MASP1: variants seen among roughly 807,000 people sequenced by gnomAD.
MASP1 encodes mannan-binding lectin serine protease 1.
In MASP1, 59 loss-of-function variants were observed where a neutral mutation model predicts 77.1. That is an observed-to-expected ratio of 0.77 (90% CI 0.62 to 0.95). The LOEUF is 0.95. MASP1 is among the 40% of genes least tolerant of loss of function. The pLI is 0.00. For missense variants in MASP1, 885 were observed against 912.9 expected (o/e 0.97, Z 0.39); for synonymous variants, 362 against 354.5 (o/e 1.02, Z -0.24).
chr3:187,255,646 G>C (rs1165453049), intron 5 of MASP1, among the ~76,000 whole-genome samples: 1 of 152,222 alleles, frequency 6.6e-6, no homozygotes, highest in Non-Finnish European at 1.5e-5. Context: ...CTTAGCCTCT[G>C]TACACAAGTA....
intron 8 of MASP1, among the ~76,000 whole-genome samples, chr3:187,245,645 C>A (rs1213829380): frequency 2.0e-5 from 3 of 152,154 alleles, no homozygotes; most frequent in Non-Finnish European, 4.4e-5. Flanking sequence ...TCACAAGAGG[C>A]CTTGAGCAGC....
At chr3:187,284,077 A>G (rs1717642584) in intron 2 of MASP1, among the ~76,000 whole-genome samples, 1 of 152,210 alleles carries the variant, frequency 6.6e-6, no homozygotes, top group Admixed American at 6.5e-5. Context: ...ATTTGTAGAA[A>G]TCGCATCTAG....
At position 187,223,195 on chromosome 3, in the gene MASP1, C is replaced by G; in HGVS notation, c.1742-1G>C. The stretch of plus-strand genomic sequence containing the variant: ...CAGCCGCTGACGATGACCATGGCTC[C>G]TGGAGGAGAGAAGATACTGTGAGAA... On this transcript the variant is annotated splice_acceptor_variant, in intron 13 of 15. Coordinates refer to the MASP1 transcript ENST00000337774. LOFTEE classifies it high-confidence loss of function. 6.2e-7 allele frequency: 1 copy of G among 1,613,890 alleles called. No individual in the cohort carries two copies. The highest frequency in any genetic ancestry group is 1.1e-5 in the South Asian group (1 of 91,086).
In MASP1 at chr3:187,236,551, G is replaced by T. The variant is rs1301090472; in HGVS notation, c.1320C>A (p.Ser440=). The T allele has an allele frequency of 1.2e-6, 2 of 1,613,934 alleles. No individual in the cohort carries two copies. Among genetic ancestry groups the T allele is most frequent in the Admixed American group, 3.3e-5 (2 of 60,026 alleles). The change falls in exon 11 of 11, where the codon TCC becomes TCA. Residue 440 remains serine (S), a synonymous_variant. Coordinates refer to ENST00000296280, the MANE Select transcript of MASP1 (RefSeq NM_139125.4). ...TCTTGACCAGGCTTGGCAGGGAGCG[G>T]GAGGGCTGACCACACTCTGTAAGGA... ...PTCLPECGQP[S]RSLPSLVKRI... is the part of the protein sequence containing the mutation.
chr3:187,224,159 C>A (rs921639237), intron 13 of MASP1, among the ~76,000 whole-genome samples: 1 of 152,136 alleles, frequency 6.6e-6, no homozygotes, highest in Non-Finnish European at 1.5e-5. Context: ...GAAAAGGAAG[C>A]CAGCTGACAT....
chr3:187,252,794 A>G (rs1560255281), intron 6 of MASP1, among the ~76,000 whole-genome samples: 1 of 152,184 alleles, frequency 6.6e-6, no homozygotes, highest in African/African-American at 2.4e-5. Context: ...CTAGAAACCC[A>G]CATCCAAATT....
At chr3:187,246,451 C>T (rs1714086811) in intron 8 of MASP1, 1 of 985,326 alleles carries the variant, frequency 1.0e-6, no homozygotes. Flanking sequence ...AATGGCACCT[C>T]AGTCTCCAGA....
intron 2 of MASP1, among the ~76,000 whole-genome samples, chr3:187,276,100 T>C (rs1716943050): frequency 2.1e-4 from 1 of 4,852 alleles, no homozygotes; most frequent in Non-Finnish European, 5.6e-3. Flanking sequence ...CTGGTTAAAG[T>C]GCCCCCCAGG....
intron 2 of MASP1, among the ~76,000 whole-genome samples, chr3:187,277,165 C>T (rs1162186451): frequency 2.0e-5 from 3 of 152,164 alleles, no homozygotes; most frequent in Non-Finnish European, 2.9e-5. Context: ...TGAATGAAGA[C>T]GTGACTTGCC....
At chr3:187,258,884 G>A (rs908093635) in intron 4 of MASP1, among the ~76,000 whole-genome samples, 3 of 152,182 alleles carry the variant, frequency 2.0e-5, no homozygotes, top group African/African-American at 7.2e-5. Context: ...GAGTTGCTCT[G>A]AACATATTCT....
intron 2 of MASP1, among the ~76,000 whole-genome samples, chr3:187,265,992 C>G (rs529405738): frequency 6.6e-6 from 1 of 152,128 alleles, no homozygotes; most frequent in Non-Finnish European, 1.5e-5. Flanking sequence ...GATCATTTAC[C>G]TCTGAGTATA....
At chr3:187,226,317 G>T in intron 12 of MASP1, 1 of 942,904 alleles carries the variant, frequency 1.1e-6, no homozygotes, top group Non-Finnish European at 1.7e-6. Context: ...GTGAGCGAGT[G>T]AGTGAGCAGA....
intron 2 of MASP1, among the ~76,000 whole-genome samples, chr3:187,265,013 T>C (rs1715899517): frequency 6.6e-6 from 1 of 152,148 alleles, no homozygotes; most frequent in South Asian, 2.1e-4. Flanking sequence ...GTTATCCACT[T>C]GTAAAAACAG....
Position 187,220,367 on chromosome 3 carries a change from T to C in MASP1, c.1910-106A>G, listed in dbSNP as rs145292661. 2.0e-4 allele frequency: 202 copies of C among 1,006,134 alleles called. 2 individuals carry two copies. The African/African-American group carries it at 2.1e-3, about 10-fold the overall frequency. The allele number at this position is 1,006,134 out of a possible 1,614,324, so 62.3% of individuals were successfully genotyped here. Reference sequence around the variant, plus strand: ...TCAGAGAATTGGGCACTAGAGGGCATAGCAGACCGTTGGACCCAAACCTCA... The same window carrying C: ...TCAGAGAATTGGGCACTAGAGGGCACAGCAGACCGTTGGACCCAAACCTCA... On this transcript the variant is annotated intron_variant, in intron 15 of 15. Coordinates refer to the MASP1 transcript ENST00000337774.
chr3:187,238,355 T>C (rs761403631), intron 10 of MASP1, among the ~76,000 whole-genome samples: 24 of 152,234 alleles, frequency 1.6e-4, no homozygotes, highest in Non-Finnish European at 3.4e-4. Context: ...AACCTATTTA[T>C]CCTGAGTCTA....
chr3:187,226,562 G>T lies in MASP1; in HGVS notation c.1442-42C>A, dbSNP rs771161660. 10 of 1,384,632 alleles carry T rather than the reference G, an allele frequency of 7.2e-6. No homozygotes were observed. The Admixed American group carries it at 1.5e-4, about 21-fold the overall frequency. 85.8% of individuals were successfully genotyped at this position (1,384,632 alleles called of 1,614,324 possible). The stretch of plus-strand genomic sequence containing the variant: ...ACGTCTCATCGTCCTGCACTACTGG[G>T]TCTTGCCTCCCTCTGTCTTGAGCTG... On this transcript the variant is annotated intron_variant, in intron 11 of 15. Coordinates refer to the MASP1 transcript ENST00000337774.
At chr3:187,264,807 A>G (rs568582075) in intron 2 of MASP1, among the ~76,000 whole-genome samples, 1 of 152,362 alleles carries the variant, frequency 6.6e-6, no homozygotes, top group Admixed American at 6.5e-5. Flanking sequence ...TTAATAAAAA[A>G]AAGCTAAATA....
chr3:187,226,303 ATGAGTGAGCGAG>A, intron 12 of MASP1: 1 of 854,260 alleles, frequency 1.2e-6, no homozygotes, highest in Non-Finnish European at 2.0e-6. Flanking sequence ...GCCCTGACAA[ATGAGTGAGCGAG>A]TGAGTGAGCA....
In MASP1 at chr3:187,241,608, C is replaced by T. The variant is rs1389271648; in HGVS notation, c.1229-53G>A. 4 of 1,196,130 alleles carry T rather than the reference C, an allele frequency of 3.3e-6. No homozygotes were observed. The Admixed American group carries it at 6.7e-5, about 20-fold the overall frequency. The allele number at this position is 1,196,130 out of a possible 1,614,324, so 74.1% of individuals were successfully genotyped here. On this transcript the variant is annotated intron_variant, in intron 9 of 10. Coordinates refer to ENST00000296280, the MANE Select transcript of MASP1 (RefSeq NM_139125.4). The stretch of plus-strand genomic sequence containing the variant: ...GAGGGAGAAAATGGTTGATTTGTAA[C>T]ACATGGAAAATAGATCTGGGTATTT...
Sources: gnomAD v4.1 joint callset for allele counts (sites outside exome capture counted in the v4.1 genomes callset) on GRCh38, gnomAD v4.1.1 for gene constraint, MANE v1.5 for transcripts, NCBI Gene and HGNC (gene_info 2026-07-23, HGNC 2026-07-21) for gene names.